PPM1E: variants seen among roughly 807,000 people sequenced by gnomAD.
PPM1E encodes the protein protein phosphatase 1E.
A neutral mutation model predicts 65.9 loss-of-function variants in PPM1E; 20 were observed. The observed-to-expected ratio is 0.30, with a 90% CI of 0.21 to 0.44. PPM1E has a LOEUF of 0.44. PPM1E is among the 20% of genes least tolerant of loss of function. The pLI, the probability that PPM1E is intolerant of heterozygous loss-of-function variation, is 1.00. For synonymous variants in PPM1E, 352 were observed against 374.9 expected, an observed-to-expected ratio of 0.94 and a Z score of 0.70; for missense variants, 713 against 953.1, an observed-to-expected ratio of 0.75 and a Z score of 3.32.
intron 1 of PPM1E, among the ~76,000 whole-genome samples, chr17:58,874,263 G>A (rs1390712824): frequency 6.6e-6 from 1 of 152,124 alleles, no homozygotes; most frequent in Non-Finnish European, 1.5e-5. Flanking sequence ...TCAAATCCTC[G>A]CTGTCCTGGG....
chr17:58,756,119 C>T lies in PPM1E; in HGVS notation c.122C>T (p.Pro41Leu). 1.2e-6 allele frequency: 2 copies of T among 1,608,938 alleles called. No individual in the cohort carries two copies. The highest frequency in any genetic ancestry group is 1.7e-6 in the Non-Finnish European group (2 of 1,177,412). The change falls in exon 1 of 7, where the codon CCC (proline) becomes CTC (leucine). Residue 41 changes from proline (P) to leucine (L), a missense_variant. Pro to Leu is a moderately conservative substitution (Grantham distance 98). This residue lies in a region of PPM1E where 212 missense variants were observed against 204.0 expected (regional missense o/e 1.04). Transcript: ENST00000308249. Reference sequence around the variant, plus strand: ...CCGGAACCCGAACCCGAACCCGAACCCGAACCCGAGTCCGAGCCCGAGCCC... The same window carrying T: ...CCGGAACCCGAACCCGAACCCGAACTCGAACCCGAGTCCGAGCCCGAGCCC... ...PEPEPEPEPE[P>L]EPESEPEPEP...
chr17:58,809,499 C>T (rs2050345557), intron 1 of PPM1E, among the ~76,000 whole-genome samples: 1 of 152,142 alleles, frequency 6.6e-6, no homozygotes, highest in Non-Finnish European at 1.5e-5. Flanking sequence ...CCTCCCACTT[C>T]AGCCTCCCAA....
chr17:58,912,953 G>A (rs143806973), intron 1 of PPM1E, among the ~76,000 whole-genome samples: 8 of 152,206 alleles, frequency 5.3e-5, no homozygotes, highest in African/African-American at 1.9e-4. Context: ...ACTCCACAGG[G>A]ACAGAAGCTC....
chr17:58,866,915 A>G (rs777810392), intron 1 of PPM1E, among the ~76,000 whole-genome samples: 4 of 152,214 alleles, frequency 2.6e-5, no homozygotes, highest in Non-Finnish European at 4.4e-5. Flanking sequence ...AAGATGACAA[A>G]AGGAAGGAGG....
chr17:58,768,669 T>A (rs2049906405), intron 1 of PPM1E, among the ~76,000 whole-genome samples: 1 of 152,180 alleles, frequency 6.6e-6, no homozygotes, highest in South Asian at 2.1e-4. Flanking sequence ...TTTTTATTTT[T>A]ATTTTATTTT....
chr17:58,962,282 C>G (rs995529068), intron 2 of PPM1E, among the ~76,000 whole-genome samples: 5 of 143,510 alleles, frequency 3.5e-5, no homozygotes, highest in African/African-American at 1.3e-4. Flanking sequence ...GAAACTCCAT[C>G]TCAAAAAAAA....
At chr17:58,770,398 C>G (rs2049925749) in intron 1 of PPM1E, among the ~76,000 whole-genome samples, 2 of 152,060 alleles carry the variant, frequency 1.3e-5, no homozygotes, top group Admixed American at 1.3e-4. Context: ...TGCTGGCATA[C>G]TCCTTTAGTT....
intron 1 of PPM1E, among the ~76,000 whole-genome samples, chr17:58,824,594 GT>G (rs34305641): frequency 2.4e-4 from 34 of 142,188 alleles, no homozygotes; most frequent in South Asian, 2.2e-4. Context: ...TCTTTCTGTT[GT>G]TTTTTTTTTT....
At chr17:58,810,197 G>T (rs958101636) in intron 1 of PPM1E, among the ~76,000 whole-genome samples, 12 of 152,022 alleles carry the variant, frequency 7.9e-5, no homozygotes, top group African/African-American at 2.9e-4. Context: ...TTCATATGTG[G>T]TGCTGTGTAC....
intron 2 of PPM1E, among the ~76,000 whole-genome samples, chr17:58,957,488 T>C (rs1048528107): frequency 6.6e-6 from 1 of 152,220 alleles, no homozygotes; most frequent in African/African-American, 2.4e-5. Context: ...ACGACTGCTG[T>C]GATTCAGACT....
intron 1 of PPM1E, among the ~76,000 whole-genome samples, chr17:58,892,799 A>G (rs948623751): frequency 6.6e-6 from 1 of 152,250 alleles, no homozygotes; most frequent in Non-Finnish European, 1.5e-5. Flanking sequence ...CACACACTTT[A>G]CCAAAGAAGT....
intron 1 of PPM1E, among the ~76,000 whole-genome samples, chr17:58,888,230 A>C (rs1244371518): frequency 6.6e-6 from 1 of 152,194 alleles, no homozygotes; most frequent in East Asian, 1.9e-4. Flanking sequence ...CATTGGCTGT[A>C]AGTAAATGGT....
At chr17:58,797,525 T>G (rs1277580365) in intron 1 of PPM1E, among the ~76,000 whole-genome samples, 1 of 152,250 alleles carries the variant, frequency 6.6e-6, no homozygotes, top group Non-Finnish European at 1.5e-5. Context: ...TGAGATTCAT[T>G]CATGTCATTG....
chr17:58,965,660 C>A, intron 2 of PPM1E, 34 bp from the exon 3 acceptor site: 1 of 1,599,808 alleles, frequency 6.3e-7, no homozygotes, highest in African/African-American at 1.3e-5. Context: ...TTTTACAAGG[C>A]TCTTCATTGG....
At chr17:58,821,271 T>G (rs1318714077) in intron 1 of PPM1E, among the ~76,000 whole-genome samples, 1 of 151,952 alleles carries the variant, frequency 6.6e-6, no homozygotes, top group African/African-American at 2.4e-5. Context: ...CCAACACGCC[T>G]GGCTAATTTT....
chr17:58,886,425 G>A (rs1030639981), intron 1 of PPM1E, among the ~76,000 whole-genome samples: 1 of 152,162 alleles, frequency 6.6e-6, no homozygotes, highest in Non-Finnish European at 1.5e-5. Flanking sequence ...TAACAAGCAA[G>A]TGGTAGTGAA....
rs140654026 is a variant in PPM1E, at chr17:58,888,653, C to T, written c.465-66996C>T. On this transcript the variant is annotated intron_variant, in intron 1 of 6. Transcript: ENST00000308249. ...GATTACAGGCGTGAGCCACCACACCCGGCCAGGACTCTTCTCTTTAAACAA... is the reference window on the plus strand; with the variant it reads ...GATTACAGGCGTGAGCCACCACACCTGGCCAGGACTCTTCTCTTTAAACAA... 4.9e-4 allele frequency among the ~76,000 whole-genome samples: 74 copies of T among 152,132 alleles called. 1 individual carries two copies. Among genetic ancestry groups the T allele is most frequent in the African/African-American group, 1.7e-3 (69 of 41,508 alleles).
intron 1 of PPM1E, among the ~76,000 whole-genome samples, chr17:58,764,938 A>G (rs115446568): frequency 5.3e-4 from 81 of 152,028 alleles, no homozygotes; most frequent in Middle Eastern, 3.4e-3. Flanking sequence ...TATTATCATC[A>G]TCATCTTTCT....
At chr17:58,786,847 A>G (rs1051500339) in intron 1 of PPM1E, among the ~76,000 whole-genome samples, 9 of 152,226 alleles carry the variant, frequency 5.9e-5, no homozygotes, top group African/African-American at 1.9e-4. Context: ...TTTAAGTTTA[A>G]TATTTATTAT....
Sources: gnomAD v4.1 joint callset for allele counts (sites outside exome capture counted in the v4.1 genomes callset) on GRCh38, gnomAD v4.1.1 for gene constraint, gnomAD v4.1.1 regional missense constraint, MANE v1.5 for transcripts, NCBI Gene and HGNC (gene_info 2026-07-23, HGNC 2026-07-21) for gene names.